Variants in ZNF354B observed in about 807,000 individuals in gnomAD.
ZNF354B encodes zinc finger protein 354B.
A neutral mutation model predicts 12.9 loss-of-function variants in ZNF354B; 10 were observed. The observed-to-expected ratio is 0.77, with a 90% confidence interval of 0.48 to 1.31. The LOEUF is 1.31. Among genes scored for constraint, ZNF354B ranks in the 40% most tolerant of loss-of-function variants. ZNF354B has a pLI of 0.00. For missense variants in ZNF354B, 614 were observed against 711.7 expected (o/e 0.86, Z 1.56); for synonymous variants, 260 against 243.7 (o/e 1.07, Z -0.62).
At chr5:178,860,533 G>A (rs1757329902) in intron 1 of ZNF354B, among the ~76,000 whole-genome samples, 1 of 152,094 alleles carries the variant, frequency 6.6e-6, no homozygotes, top group Non-Finnish European at 1.5e-5. Context: ...CGTGGAGTCG[G>A]GAGACGATTC....
chr5:178,875,905 T>C (rs1757629839), intron 4 of ZNF354B, among the ~76,000 whole-genome samples: 1 of 152,056 alleles, frequency 6.6e-6, no homozygotes, highest in Non-Finnish European at 1.5e-5. Flanking sequence ...ACAGAGCCAC[T>C]ACCAGTGGGA....
At chr5:178,865,791 G>C (rs1294159540) in intron 2 of ZNF354B, among the ~76,000 whole-genome samples, 1 of 152,130 alleles carries the variant, frequency 6.6e-6, no homozygotes, top group Non-Finnish European at 1.5e-5. Flanking sequence ...TCAGCACACA[G>C]GTAGTGCCGT....
chr5:178,867,590 C>G (rs1398073784), intron 4 of ZNF354B, among the ~76,000 whole-genome samples: 1 of 152,186 alleles, frequency 6.6e-6, no homozygotes, highest in Non-Finnish European at 1.5e-5. Flanking sequence ...CGTGTAAGAA[C>G]AGCTAAGGGA....
intron 4 of ZNF354B, among the ~76,000 whole-genome samples, chr5:178,880,409 A>G (rs1324781474): frequency 6.6e-6 from 1 of 151,612 alleles, no homozygotes; most frequent in Admixed American, 6.6e-5. Flanking sequence ...TGTGTTGGCC[A>G]GGATGGTCTC....
At chr5:178,880,530 C>G (rs1322957755) in intron 4 of ZNF354B, among the ~76,000 whole-genome samples, 1 of 147,906 alleles carries the variant, frequency 6.8e-6, no homozygotes, top group African/African-American at 2.5e-5. Flanking sequence ...AAGACAGGGT[C>G]TCTTTGTCAC....
chr5:178,871,806 A>T (rs990285991), intron 4 of ZNF354B, among the ~76,000 whole-genome samples: 2 of 152,154 alleles, frequency 1.3e-5, no homozygotes, highest in African/African-American at 4.8e-5. Flanking sequence ...TTGTTCTGGG[A>T]TGGCCGGTGT....
intron 4 of ZNF354B, among the ~76,000 whole-genome samples, chr5:178,871,019 G>A (rs147362539): frequency 3.3e-5 from 5 of 152,192 alleles, no homozygotes; most frequent in African/African-American, 4.8e-5. Context: ...GCAAAGACTC[G>A]TACATATGCC....
chr5:178,883,396 T>C lies in ZNF354B; in HGVS notation c.944T>C (p.Ile315Thr). The C allele has an allele frequency of 6.2e-7, 1 of 1,614,116 alleles. No homozygotes were observed. The highest frequency in any genetic ancestry group is 8.5e-7 in the Non-Finnish European group (1 of 1,179,990). Reference protein sequence around the residue: ...KSFSRRSGLFIHQKIHAQENP... With the variant: ...KSFSRRSGLFTHQKIHAQENP... The stretch of plus-strand genomic sequence containing the variant: ...TTCAGTCGAAGGTCTGGGCTTTTTA[T>C]ACATCAAAAAATCCATGCTCAAGAA... Residue 315 changes from isoleucine (I) to threonine (T), a missense_variant, in exon 5 of 5, where the codon ATA becomes ACA. By Grantham distance (89) the Ile-to-Thr change is moderately conservative. Coordinates refer to ENST00000322434, the MANE Select transcript of ZNF354B (RefSeq NM_058230.3).
At chr5:178,865,848 TG>T (rs1205212158) in intron 2 of ZNF354B, among the ~76,000 whole-genome samples, 1 of 146,972 alleles carries the variant, frequency 6.8e-6, no homozygotes, top group African/African-American at 2.6e-5. Flanking sequence ...GGTTGTTTCC[TG>T]TTTTTTTTTG....
chr5:178,866,128 C>T, intron 2 of ZNF354B, 116 bp from the exon 3 acceptor site: 1 of 1,446,518 alleles, frequency 6.9e-7, no homozygotes, highest in South Asian at 1.4e-5. Context: ...GACCTGGAAC[C>T]TTCAGAAGCT....
At position 178,884,280 on chromosome 5, in the gene ZNF354B, T is replaced by C; in HGVS notation, c.1828T>C (p.Leu610=). 6.3e-7 allele frequency: 1 copy of C among 1,583,570 alleles called. No homozygotes were observed. The highest frequency in any genetic ancestry group is 1.2e-5 in the South Asian group (1 of 85,338). Residue 610 remains leucine, a synonymous_variant, in exon 5 of 5, where the codon TTG becomes CTG. Coordinates refer to ENST00000322434, the MANE Select transcript of ZNF354B (RefSeq NM_058230.3). ...TGAAGAGGACTCCTTAAAAGCCGATTTGCATGTGTGAAAGCCTTAAACCAA... is the reference window on the plus strand; with the variant it reads ...TGAAGAGGACTCCTTAAAAGCCGATCTGCATGTGTGAAAGCCTTAAACCAA... ...HIEEDSLKAD[L]HV is the part of the protein sequence containing the mutation.
chr5:178,869,261 C>T (rs570377536), intron 4 of ZNF354B, among the ~76,000 whole-genome samples: 14 of 152,276 alleles, frequency 9.2e-5, no homozygotes, highest in Admixed American at 7.2e-4. Context: ...AGGAGCTGCA[C>T]GGCAGGCAGC....
At position 178,883,605 on chromosome 5, in the gene ZNF354B, A is replaced by G. The variant is rs749004272; in HGVS notation, c.1153A>G (p.Ser385Gly). Reference sequence around the variant, plus strand: ...CACTGGAGAGAAGCCTTTTAAATGTAGTGAATGTGGGAGAGCCTTCAGCCA... The same window carrying G: ...CACTGGAGAGAAGCCTTTTAAATGTGGTGAATGTGGGAGAGCCTTCAGCCA... ...IHTGEKPFKCSECGRAFSQSA... is the reference protein window; with the variant it reads ...IHTGEKPFKCGECGRAFSQSA... Residue 385 changes from serine (S) to glycine (G), a missense_variant, in exon 5 of 5, where the codon AGT (serine) becomes GGT (glycine). Physicochemically the swap from Ser to Gly is moderately conservative, Grantham distance 56 (BLOSUM62 0). Coordinates refer to ENST00000322434, the MANE Select transcript of ZNF354B (RefSeq NM_058230.3). The G allele has an allele frequency of 6.2e-7, 1 of 1,613,652 alleles. No homozygotes were observed. Among genetic ancestry groups the G allele is most frequent in the South Asian group, 1.1e-5 (1 of 91,078 alleles).
chr5:178,882,020 T>A (rs1757725826), intron 4 of ZNF354B, among the ~76,000 whole-genome samples: 1 of 152,236 alleles, frequency 6.6e-6, no homozygotes, highest in South Asian at 2.1e-4. Context: ...CTTTGCCTTG[T>A]TCTTCAGCAT....
chr5:178,883,703 A>G lies in ZNF354B; in HGVS notation c.1251A>G (p.Lys417=), dbSNP rs1217536450. The change falls in exon 5 of 5, where the codon AAA becomes AAG. Residue 417 remains lysine, a synonymous_variant. Transcript: ENST00000322434. The part of the protein sequence containing the change: ...EKPYRCNECG[K]GFTSISRLNR... ...CCTATAGATGCAATGAATGTGGGAA[A>G]GGCTTTACTTCTATTTCACGACTTA... 6.2e-7 allele frequency: 1 copy of G among 1,614,030 alleles called. No individual in the cohort carries two copies. The highest frequency in any genetic ancestry group is 1.3e-5 in the African/African-American group (1 of 74,946).
chr5:178,873,353 G>A (rs1363701808), intron 4 of ZNF354B, among the ~76,000 whole-genome samples: 1 of 152,152 alleles, frequency 6.6e-6, no homozygotes, highest in Non-Finnish European at 1.5e-5. Flanking sequence ...GGTGTCAAAT[G>A]TAAGAATTCT....
chr5:178,872,878 C>G (rs1044120148), intron 4 of ZNF354B, among the ~76,000 whole-genome samples: 31 of 152,064 alleles, frequency 2.0e-4, no homozygotes, highest in African/African-American at 5.8e-4. Context: ...TGTCTGACTC[C>G]TGGGTTCAAG....
chr5:178,878,571 ACTTTC>A (rs1757674803), intron 4 of ZNF354B, among the ~76,000 whole-genome samples: 2 of 152,186 alleles, frequency 1.3e-5, no homozygotes, highest in South Asian at 4.1e-4. Context: ...TTCCAAGTAT[ACTTTC>A]CTTTCTTTCC....
At chr5:178,875,394 G>A (rs1028308871) in intron 4 of ZNF354B, among the ~76,000 whole-genome samples, 3 of 152,184 alleles carry the variant, frequency 2.0e-5, no homozygotes, top group Non-Finnish European at 4.4e-5. Flanking sequence ...GCCCAAGATG[G>A]GGAAGGAGGC....
Sources: gnomAD v4.1 joint callset for allele counts (sites outside exome capture counted in the v4.1 genomes callset) on GRCh38, gnomAD v4.1.1 for gene constraint, MANE v1.5 for transcripts, NCBI Gene and HGNC (gene_info 2026-07-23, HGNC 2026-07-21) for gene names.